Variants in CAMKMT observed in about 807,000 individuals in gnomAD.
The protein encoded by CAMKMT is calmodulin-lysine N-methyltransferase.
CAMKMT carries 53 observed loss-of-function variants against 48.0 expected under a neutral mutation model. That is an observed-to-expected ratio of 1.10 (90% CI 0.89 to 1.39). The LOEUF is 1.39. CAMKMT is among the 40% of genes most tolerant of loss of function. CAMKMT has a pLI of 0.00. For synonymous variants in CAMKMT, 165 were observed against 152.3 expected, an observed-to-expected ratio of 1.08 and a Z score of -0.61; for missense variants, 428 against 402.7, an observed-to-expected ratio of 1.06 and a Z score of -0.54.
chr2:44,409,253 G>A (rs1426076922), intron 3 of CAMKMT, among the ~76,000 whole-genome samples: 2 of 150,726 alleles, frequency 1.3e-5, no homozygotes, highest in Non-Finnish European at 1.5e-5. Flanking sequence ...TTATGAATCC[G>A]GCATTCTTGC....
intron 9 of CAMKMT, among the ~76,000 whole-genome samples, 200 bp downstream of exon 9, chr2:44,754,318 A>G (rs1368495266): frequency 2.0e-5 from 3 of 152,202 alleles, no homozygotes; most frequent in Admixed American, 6.5e-5. Flanking sequence ...TGGCCTTCTG[A>G]TAAGAAACAC....
intron 3 of CAMKMT, among the ~76,000 whole-genome samples, chr2:44,427,370 C>T (rs1330876211): frequency 6.6e-6 from 1 of 152,100 alleles, no homozygotes; most frequent in East Asian, 1.9e-4. Flanking sequence ...AAACAGACAA[C>T]ATACAGAATG....
chr2:44,596,205 T>G (rs912953835), intron 3 of CAMKMT, among the ~76,000 whole-genome samples: 1 of 151,972 alleles, frequency 6.6e-6, no homozygotes, highest in Non-Finnish European at 1.5e-5. Flanking sequence ...TCCAAGCACT[T>G]TGGGAGGACG....
intron 9 of CAMKMT, among the ~76,000 whole-genome samples, chr2:44,764,582 T>C (rs889837820): frequency 1.3e-5 from 2 of 152,118 alleles, no homozygotes; most frequent in African/African-American, 4.8e-5. Flanking sequence ...ACTCAAAAGT[T>C]CTATGATTAT....
Position 44,653,403 on chromosome 2 carries a change from T to C in CAMKMT, c.377-50880T>C, listed in dbSNP as rs1025899391. On this transcript the variant is annotated intron_variant, in intron 3 of 10. Transcript: ENST00000378494. The surrounding 1 kb of genome is among the most constrained non-coding windows in gnomAD (Gnocchi z 5.2). ...GCTGTAAAAATCAACCAAAAGAGAA[T>C]CGCAGACTTTTAGAATTGGAAGGAA... Among the ~76,000 whole-genome samples the C allele has an allele frequency of 6.6e-6, 1 of 152,158 alleles. No homozygotes were observed. The highest frequency in any genetic ancestry group is 1.5e-5 in the Non-Finnish European group (1 of 68,038).
At chr2:44,384,773 C>T (rs1366599315) in intron 2 of CAMKMT, among the ~76,000 whole-genome samples, 2 of 151,950 alleles carry the variant, frequency 1.3e-5, no homozygotes, top group Non-Finnish European at 2.9e-5. Context: ...TTTACTTTGT[C>T]AAAGATCAGT....
At chr2:44,513,881 G>C (rs7588670) in intron 3 of CAMKMT, among the ~76,000 whole-genome samples, 31 of 151,684 alleles carry the variant, frequency 2.0e-4, no homozygotes, top group Non-Finnish European at 3.7e-4. Flanking sequence ...TGGGCAGATC[G>C]CTTGAGCCCA....
intron 3 of CAMKMT, chr2:44,631,500 C>G: frequency 1.6e-6 from 1 of 621,448 alleles, no homozygotes; most frequent in Non-Finnish European, 2.9e-6. Context: ...GATGATGTCT[C>G]ACTTTATTGC....
intron 3 of CAMKMT, among the ~76,000 whole-genome samples, chr2:44,452,294 A>G (rs2104593735): frequency 6.6e-6 from 1 of 152,120 alleles, no homozygotes; most frequent in East Asian, 1.9e-4. Context: ...AAAAGTATCA[A>G]TAAATAATGC....
intron 3 of CAMKMT, among the ~76,000 whole-genome samples, chr2:44,540,204 C>T (rs1444276091): frequency 6.6e-6 from 1 of 151,450 alleles, no homozygotes; most frequent in African/African-American, 2.4e-5. Flanking sequence ...TAATTGATTC[C>T]TGTGTTATTC....
At chr2:44,704,706 A>G (rs1677454168) in intron 4 of CAMKMT, among the ~76,000 whole-genome samples, 1 of 151,778 alleles carries the variant, frequency 6.6e-6, no homozygotes. Context: ...AAAAACCAAT[A>G]AAGACATTCT....
chr2:44,719,343 A>T (rs896514599), intron 7 of CAMKMT, among the ~76,000 whole-genome samples: 2 of 152,176 alleles, frequency 1.3e-5, no homozygotes, highest in African/African-American at 2.4e-5. Context: ...TTTTTGTTCA[A>T]AGCATGTTGG....
In CAMKMT at chr2:44,410,603, ACT is replaced by A. The variant is rs575818698; in HGVS notation, c.376+20301_376+20302del. On this transcript the variant is annotated intron_variant, in intron 3 of 10. Transcript: ENST00000378494. ...CAAATCTATTGAAAGCCCAACATAG[ACT>A]CTGATGACTGTCATTTCACCTAAAG... Among the ~76,000 whole-genome samples the A allele has an allele frequency of 5.7e-3, 871 of 152,096 alleles. 11 individuals are homozygous for A. The highest frequency in any genetic ancestry group is 0.02 in the African/African-American group (812 of 41,484).
chr2:44,411,113 A>G (rs1683172458), intron 3 of CAMKMT, among the ~76,000 whole-genome samples: 1 of 152,120 alleles, frequency 6.6e-6, no homozygotes, highest in African/African-American at 2.4e-5. Flanking sequence ...TGAAAATTTG[A>G]TTTAGTTTTT....
chr2:44,629,433 C>CTTTTTTTTTT (rs897761983), intron 3 of CAMKMT, among the ~76,000 whole-genome samples: 3 of 125,328 alleles, frequency 2.4e-5, no homozygotes, highest in South Asian at 2.6e-4. Context: ...TTCTTTCTTT[C>CTTTTTTTTTT]TTTTTTTTTT....
At chr2:44,738,897 C>G (rs1178688816) in intron 7 of CAMKMT, among the ~76,000 whole-genome samples, 1 of 152,158 alleles carries the variant, frequency 6.6e-6, no homozygotes, top group Non-Finnish European at 1.5e-5. Context: ...ACGGAGTGAG[C>G]TGTAGCTATA....
At chr2:44,514,959 G>A (rs1407647941) in intron 3 of CAMKMT, among the ~76,000 whole-genome samples, 2 of 152,168 alleles carry the variant, frequency 1.3e-5, no homozygotes, top group African/African-American at 2.4e-5. Context: ...TTACGAGAAA[G>A]GGAACTGCAT....
At position 44,729,043 on chromosome 2, in the gene CAMKMT, A is replaced by G. The variant is rs115825113; in HGVS notation, c.623+13690A>G. On this transcript the variant is annotated intron_variant, in intron 7 of 10. Transcript: ENST00000378494. Reference sequence around the variant, plus strand: ...TTTTTTAAAAAAAAAAAGCCATTTCAGTAGTACCGGAGAGAGAAAAAGAGG... The same window carrying G: ...TTTTTTAAAAAAAAAAAGCCATTTCGGTAGTACCGGAGAGAGAAAAAGAGG... Among the ~76,000 whole-genome samples, 625 of 151,722 alleles carry G rather than the reference A, an allele frequency of 4.1e-3. 5 individuals are homozygous for G. Among genetic ancestry groups the G allele is most frequent in the African/African-American group, 0.014 (596 of 41,418 alleles).
chr2:44,679,282 G>T (rs576667678), intron 3 of CAMKMT, among the ~76,000 whole-genome samples: 1 of 152,256 alleles, frequency 6.6e-6, no homozygotes, highest in South Asian at 2.1e-4. Flanking sequence ...TATAAATGTG[G>T]CTCAAAACTT....
Sources: gnomAD v4.1 joint callset for allele counts (sites outside exome capture counted in the v4.1 genomes callset) on GRCh38, gnomAD v4.1.1 for gene constraint, Gnocchi (gnomAD v3.1) non-coding constraint, MANE v1.5 for transcripts, NCBI Gene and HGNC (gene_info 2026-07-23, HGNC 2026-07-21) for gene names.